TIAM2: variants seen among roughly 807,000 people sequenced by gnomAD.
TIAM2 encodes the protein rho guanine nucleotide exchange factor TIAM2.
TIAM2 carries 80 observed loss-of-function variants against 152.9 expected under a neutral mutation model. The observed-to-expected ratio is 0.52, with a 90% CI of 0.44 to 0.63. The LOEUF (loss-of-function observed/expected upper bound fraction) is 0.63. Ranked by LOEUF, TIAM2 falls within the 30% of genes least tolerant of loss-of-function variation. TIAM2 has a pLI of 0.00. For synonymous variants in TIAM2, 804 were observed against 838.0 expected (o/e 0.96, Z 0.70); for missense variants, 1,965 against 2,120.1 (o/e 0.93, Z 1.44).
At chr6:155,131,151 G>A (rs1482897758) in intron 4 of TIAM2, among the ~76,000 whole-genome samples, 4 of 152,306 alleles carry the variant, frequency 2.6e-5, no homozygotes, top group Middle Eastern at 3.4e-3. Flanking sequence ...CTTGAGGCCA[G>A]GAGTTTGAGA....
intron 15 of TIAM2, among the ~76,000 whole-genome samples, chr6:155,236,836 C>T (rs1782786953): frequency 6.6e-6 from 1 of 152,160 alleles, no homozygotes; most frequent in African/African-American, 2.4e-5. Context: ...TCCCACTGGG[C>T]CCCTCCCACA....
chr6:155,214,891 C>T lies in TIAM2; in HGVS notation c.3168+3584C>T, dbSNP rs1362244446. Among the ~76,000 whole-genome samples, 1 of 152,054 alleles carries T rather than the reference C, an allele frequency of 6.6e-6. No homozygotes were observed. Among genetic ancestry groups the T allele is most frequent in the Non-Finnish European group, 1.5e-5 (1 of 68,028 alleles). On this transcript the variant is annotated intron_variant, in intron 15 of 26. Coordinates refer to ENST00000682666, the MANE Select transcript of TIAM2 (RefSeq NM_012454.4). This position sits in a 1 kb window ranked among gnomAD's most constrained non-coding sequence, Gnocchi z 5.4. ...CCTGGGCTCAAGAGATCCTACTGCCCCGGCCTCCTGAAGTACTGGAATTAC... is the reference window on the plus strand; with the variant it reads ...CCTGGGCTCAAGAGATCCTACTGCCTCGGCCTCCTGAAGTACTGGAATTAC...
chr6:155,070,289 C>T (rs1251026327), intron 1 of TIAM2, among the ~76,000 whole-genome samples: 1 of 131,246 alleles, frequency 7.6e-6, no homozygotes. Flanking sequence ...GGGGCGATCT[C>T]GGCTCACTGC....
intron 15 of TIAM2, among the ~76,000 whole-genome samples, chr6:155,229,707 A>G (rs1264249686): frequency 2.0e-5 from 3 of 152,246 alleles, no homozygotes; most frequent in Non-Finnish European, 4.4e-5. Flanking sequence ...AGGTGTATTA[A>G]TTCATTTTCA....
intron 1 of TIAM2, among the ~76,000 whole-genome samples, chr6:155,083,902 A>G (rs564474166): frequency 3.3e-5 from 5 of 152,230 alleles, no homozygotes; most frequent in Non-Finnish European, 5.9e-5. Context: ...GGGCAAATGC[A>G]CCAAGAGAAC....
rs114348082 is a variant in TIAM2, at chr6:155,010,145, A to G, written c.-209+14653A>G. Among the ~76,000 whole-genome samples the G allele has an allele frequency of 5.2e-3, 787 of 152,224 alleles. 8 individuals are homozygous for G. Among genetic ancestry groups the G allele is most frequent in the African/African-American group, 0.018 (737 of 41,542 alleles). ...GCCACCACGGCTGGCCAGATTCTGT[A>G]TACTCTTGAAACTGTAGACTGTTAG... On this transcript the variant is annotated intron_variant, in intron 1 of 26. Transcript: ENST00000682666.
intron 7 of TIAM2, among the ~76,000 whole-genome samples, chr6:155,164,133 G>GTGTTTTTT (rs1554236331): frequency 5.9e-5 from 7 of 118,006 alleles, no homozygotes; most frequent in East Asian, 2.6e-4. Flanking sequence ...TAATTTTTGT[G>GTGTTTTTT]TTTTTTTTTT....
In TIAM2 at chr6:155,029,078, CTGTTATATATACACTGTATATACTATG is replaced by C. The variant is rs1562294796; in HGVS notation, c.-209+33606_-209+33632del. Among the ~76,000 whole-genome samples, 3 of 45,630 alleles carry C rather than the reference CTGTTATATATACACTGTATATACTATG, an allele frequency of 6.6e-5. 1 individual carries two copies. In the South Asian group the frequency reaches 2.0e-3, roughly 30 times the overall value. 29.9% of individuals were successfully genotyped at this position (45,630 alleles called of 152,430 possible). On this transcript the variant is annotated intron_variant, in intron 1 of 26. Coordinates refer to ENST00000682666, the MANE Select transcript of TIAM2 (RefSeq NM_012454.4). ...ATATACACTGTATATACTATATATA[CTGTTATATATACACTGTATATACTATG>C]TGTTATATATACACTGTATGTACTA... is the stretch of plus-strand genomic sequence containing the variant.
chr6:155,221,137 A>AC (rs1562358969), intron 15 of TIAM2, among the ~76,000 whole-genome samples: 2 of 143,908 alleles, frequency 1.4e-5, no homozygotes, highest in Non-Finnish European at 1.5e-5. Flanking sequence ...AAAAAAAAAA[A>AC]AACAAAAAAA....
rs113533394 is a variant in TIAM2 at position 155,037,285 on chromosome 6, C to A, written c.-209+41793C>A. On this transcript the variant is annotated intron_variant, in intron 1 of 26. Transcript: ENST00000682666. ...GGCTTCAATGACATAAAGAAGTTGG[C>A]AGCATAACTAGCGTATAGAAGGTCC... is the stretch of plus-strand genomic sequence containing the variant. Among the ~76,000 whole-genome samples the A allele has an allele frequency of 8.7e-4, 133 of 152,276 alleles. No homozygotes were observed. The Middle Eastern group carries it at 0.01, about 12-fold the overall frequency.
At position 155,037,516 on chromosome 6, in the gene TIAM2, G is replaced by C. The variant is rs564042083; in HGVS notation, c.-209+42024G>C. On this transcript the variant is annotated intron_variant, in intron 1 of 26. Coordinates refer to ENST00000682666, the MANE Select transcript of TIAM2 (RefSeq NM_012454.4). ...TGAATAGTTTTCAGTGTGCTCCTCT[G>C]GGCTGGTTTCTTTTCTTTTTTTATT... Among the ~76,000 whole-genome samples the C allele has an allele frequency of 3.3e-5, 5 of 151,984 alleles. No homozygotes were observed. The East Asian group carries it at 7.7e-4, about 24-fold the overall frequency.
At chr6:155,115,426 A>G (rs1483267640) in intron 2 of TIAM2, among the ~76,000 whole-genome samples, 1 of 151,516 alleles carries the variant, frequency 6.6e-6, no homozygotes, top group Non-Finnish European at 1.5e-5. Context: ...GGAGGATTCA[A>G]CTCCTTGAGC....
At chr6:155,201,430 A>G (rs1226759189) in intron 14 of TIAM2, among the ~76,000 whole-genome samples, 5 of 152,144 alleles carry the variant, frequency 3.3e-5, no homozygotes, top group Admixed American at 3.3e-4. Flanking sequence ...TAAGTGTGGC[A>G]TTGGGGTGTC....
chr6:155,003,353 G>A (rs1056865859), intron 1 of TIAM2, among the ~76,000 whole-genome samples: 1 of 152,022 alleles, frequency 6.6e-6, no homozygotes, highest in African/African-American at 2.4e-5. Context: ...AGTGGTGCAC[G>A]CCTGTAATCC....
intron 2 of TIAM2, among the ~76,000 whole-genome samples, chr6:155,111,298 TACACACAC>T (rs57988099): frequency 2.3e-3 from 320 of 138,448 alleles, no homozygotes; most frequent in African/African-American, 5.6e-3. Flanking sequence ...ATTCTTGGAA[TACACACAC>T]ACACACACAC....
rs1404734005 is a variant in TIAM2 at position 155,256,696 on chromosome 6, C to G, written c.4681C>G (p.Leu1561Val). 6.2e-7 allele frequency: 1 copy of G among 1,614,216 alleles called. No homozygotes were observed. The highest frequency in any genetic ancestry group is 8.5e-7 in the Non-Finnish European group (1 of 1,180,046). The stretch of plus-strand genomic sequence containing the variant: ...CGGCTTGGCAGATTTTGCCGACAAT[C>G]TCATCAAAGAGAGTGACATCCTGAG... Reference protein sequence around the residue: ...HPGLADFADNLIKESDILSDE... With the variant: ...HPGLADFADNVIKESDILSDE... The change falls in exon 27 of 27, where the codon CTC (leucine) becomes GTC (valine). Residue 1561 changes from leucine (L) to valine (V), a missense_variant. Physicochemically the swap from Leu to Val is conservative, Grantham distance 32. Transcript: ENST00000682666.
chr6:155,150,191 A>G (rs1182412322), intron 7 of TIAM2, among the ~76,000 whole-genome samples: 1 of 152,062 alleles, frequency 6.6e-6, no homozygotes, highest in Non-Finnish European at 1.5e-5. Context: ...ATACTGGTGT[A>G]CCTAATAGAT....
chr6:155,194,727 C>T (rs1411962959), intron 14 of TIAM2, among the ~76,000 whole-genome samples: 1 of 152,032 alleles, frequency 6.6e-6, no homozygotes, highest in Admixed American at 6.5e-5. Flanking sequence ...AGAAGAAAAC[C>T]CCAGGTCTTC....
chr6:155,149,933 G>T (rs1295506090), intron 7 of TIAM2, among the ~76,000 whole-genome samples: 1 of 147,878 alleles, frequency 6.8e-6, no homozygotes, highest in Non-Finnish European at 1.5e-5. Flanking sequence ...AAAAAAAAAA[G>T]AATTCAGCAT....
Sources: gnomAD v4.1 joint callset for allele counts (sites outside exome capture counted in the v4.1 genomes callset) on GRCh38, gnomAD v4.1.1 for gene constraint, Gnocchi (gnomAD v3.1) non-coding constraint, MANE v1.5 for transcripts, NCBI Gene and HGNC (gene_info 2026-07-23, HGNC 2026-07-21) for gene names.